Variants in CPNE4 observed in about 807,000 individuals in gnomAD.
The protein encoded by CPNE4 is copine 4.
Under a neutral mutation model 67.9 loss-of-function variants are expected in CPNE4, and 25 were observed. The ratio of observed to expected loss-of-function variants is 0.37; its 90% CI spans 0.27 to 0.51. The LOEUF (loss-of-function observed/expected upper bound fraction) is 0.51, where lower values mean the gene tolerates loss of function less well. CPNE4 is among the 20% of genes least tolerant of loss of function. The pLI is 0.93. For synonymous variants in CPNE4, 242 were observed against 244.9 expected (o/e 0.99, Z 0.11); for missense variants, 464 against 690.8 (o/e 0.67, Z 3.68).
rs1414014325 is a variant in CPNE4, at chr3:131,958,901, G to A, written c.-1-53457C>T. ...TCTCGAACTCCCGACCTCGTGATTCGCCCGACTTGGCCTCCCAAAGTGCTA... is the reference window on the plus strand; with the variant it reads ...TCTCGAACTCCCGACCTCGTGATTCACCCGACTTGGCCTCCCAAAGTGCTA... On this transcript the variant is annotated intron_variant, in intron 1 of 15. Transcript: ENST00000429747. 4.8e-5 allele frequency among the ~76,000 whole-genome samples: 7 copies of A among 147,016 alleles called. No individual in the cohort carries two copies. In the South Asian group the frequency reaches 1.3e-3, roughly 28 times the overall value.
chr3:131,785,671 TTC>T (rs10584037), intron 2 of CPNE4, among the ~76,000 whole-genome samples: 2,142 of 142,674 alleles, frequency 0.015, 53 homozygotes, highest in African/African-American at 0.052. Context: ...CTTTCTCTCT[TTC>T]TCTCTCTCTC....
intron 2 of CPNE4, among the ~76,000 whole-genome samples, chr3:131,858,654 A>G (rs529726655): frequency 1.3e-5 from 2 of 152,264 alleles, no homozygotes; most frequent in South Asian, 4.1e-4. Context: ...GGAAATGATC[A>G]CTCTCAAATT....
chr3:131,927,447 T>G (rs2070927543), intron 1 of CPNE4, among the ~76,000 whole-genome samples: 1 of 151,948 alleles, frequency 6.6e-6, no homozygotes, highest in Non-Finnish European at 1.5e-5. Context: ...TACTTGTCTT[T>G]CACTCACTCA....
chr3:131,571,030 C>CTGTT (rs1484859751), intron 10 of CPNE4, among the ~76,000 whole-genome samples: 1 of 152,026 alleles, frequency 6.6e-6, no homozygotes, highest in African/African-American at 2.4e-5. Flanking sequence ...TCTTTACCTT[C>CTGTT]TGTTTACACT....
At chr3:131,996,750 C>T (rs1258483088) in intron 1 of CPNE4, among the ~76,000 whole-genome samples, 4 of 151,862 alleles carry the variant, frequency 2.6e-5, no homozygotes, top group Admixed American at 6.6e-5. Context: ...TAGTTCTGTA[C>T]GGCGTGTTCT....
intron 3 of CPNE4, among the ~76,000 whole-genome samples, chr3:131,710,301 C>T (rs1176838968): frequency 1.3e-5 from 2 of 152,184 alleles, no homozygotes; most frequent in Non-Finnish European, 2.9e-5. Flanking sequence ...CTATACATTT[C>T]TTAGACCTTT....
chr3:131,766,725 G>A (rs182748885), intron 2 of CPNE4, among the ~76,000 whole-genome samples: 46 of 152,114 alleles, frequency 3.0e-4, no homozygotes, highest in Admixed American at 2.3e-3. Context: ...CAAAATGCTC[G>A]TTATATTAGA....
chr3:131,941,753 T>C, intron 1 of CPNE4, among the ~76,000 whole-genome samples: 1 of 152,122 alleles, frequency 6.6e-6, no homozygotes, highest in East Asian at 1.9e-4. Context: ...TTGCACAAGT[T>C]AGCTGCTTAA....
chr3:131,642,010 G>C (rs766935894), intron 7 of CPNE4, among the ~76,000 whole-genome samples: 1 of 152,078 alleles, frequency 6.6e-6, no homozygotes, highest in Non-Finnish European at 1.5e-5. Context: ...TTGGGGGAAA[G>C]GGTGAGGGGT....
intron 10 of CPNE4, among the ~76,000 whole-genome samples, chr3:131,571,724 T>TCAAA (rs1937346757): frequency 6.6e-6 from 1 of 151,884 alleles, no homozygotes; most frequent in Non-Finnish European, 1.5e-5. Flanking sequence ...ATCACCACCA[T>TCAAA]CAAACACCCA....
At chr3:131,858,071 A>G (rs1371657349) in intron 2 of CPNE4, among the ~76,000 whole-genome samples, 1 of 152,132 alleles carries the variant, frequency 6.6e-6, no homozygotes, top group African/African-American at 2.4e-5. Flanking sequence ...AAAAATATCA[A>G]TGATCCATGT....
Position 131,535,153 on chromosome 3 carries a change from C to A in CPNE4, c.*42G>T. On this transcript the variant is annotated 3_prime_UTR_variant, in exon 16 of 16. Transcript: ENST00000429747. ...AGAAGTATTAAATATGAAATATTAG[C>A]AGGAATAGTATTTCAGAACTCTGTA... 2 of 1,532,596 alleles carry A rather than the reference C, an allele frequency of 1.3e-6. No individual in the cohort carries two copies. Among genetic ancestry groups the A allele is most frequent in the South Asian group, 1.3e-5 (1 of 79,064 alleles). The allele number at this position is 1,532,596 out of a possible 1,614,324, so 94.9% of individuals were successfully genotyped here. A position where few individuals can be genotyped will look rare whatever the true frequency, so the allele number is the denominator to read the frequency against.
At chr3:131,932,918 G>A (rs964861256) in intron 1 of CPNE4, among the ~76,000 whole-genome samples, 12 of 152,182 alleles carry the variant, frequency 7.9e-5, no homozygotes, top group African/African-American at 2.4e-4. Flanking sequence ...CTACTCGGGA[G>A]GCTGAGCCAG....
chr3:131,717,099 G>C (rs943721888), intron 3 of CPNE4, among the ~76,000 whole-genome samples: 3 of 152,214 alleles, frequency 2.0e-5, no homozygotes, highest in Non-Finnish European at 4.4e-5. Context: ...TTAGCGAAAA[G>C]AGCAAAACCC....
rs1486232325 is a variant in CPNE4 at position 131,978,137 on chromosome 3, TAA to T, written c.-2+56428_-2+56429del. Among the ~76,000 whole-genome samples, 5 of 81,628 alleles carry T rather than the reference TAA, an allele frequency of 6.1e-5. No individual in the cohort carries two copies. The South Asian group carries it at 9.8e-4, about 16-fold the overall frequency. The allele number at this position is 81,628 out of a possible 152,430, so 53.6% of individuals were successfully genotyped here. On this transcript the variant is annotated intron_variant, in intron 1 of 15. Transcript: ENST00000429747. ...ATATATATAAATATATATATTTATA[TAA>T]ATATATATAAAATATATAAATATAT...
chr3:131,993,279 A>T (rs891107654), intron 1 of CPNE4, among the ~76,000 whole-genome samples: 6 of 135,184 alleles, frequency 4.4e-5, no homozygotes, highest in African/African-American at 1.5e-4. Flanking sequence ...TGCTATGTGA[A>T]GTTAAGTAGA....
chr3:132,032,132 CA>C (rs2074248837), intron 1 of CPNE4, among the ~76,000 whole-genome samples: 1 of 152,116 alleles, frequency 6.6e-6, no homozygotes, highest in Non-Finnish European at 1.5e-5. Context: ...TGGAGATAAA[CA>C]GGAAGTCTTT....
chr3:131,728,190 T>C (rs991303867), intron 2 of CPNE4, among the ~76,000 whole-genome samples: 1 of 152,232 alleles, frequency 6.6e-6, no homozygotes, highest in Non-Finnish European at 1.5e-5. Context: ...TTTCGTATGC[T>C]TACTTGCCAC....
intron 1 of CPNE4, among the ~76,000 whole-genome samples, chr3:131,928,327 T>A (rs1257068972): frequency 6.6e-6 from 1 of 151,432 alleles, no homozygotes; most frequent in African/African-American, 2.4e-5. Context: ...TTAAAAAAAA[T>A]GCAGATATGA....
Sources: allele counts gnomAD v4.1 joint callset (sites outside exome capture counted in the v4.1 genomes callset), GRCh38; gene constraint gnomAD v4.1.1; transcripts MANE v1.5; gene names NCBI Gene and HGNC (gene_info 2026-07-23, HGNC 2026-07-21).